The following GBE1 variants were observed in gnomAD, a reference collection of about 807,000 sequenced individuals.
GBE1 encodes 1,4-alpha-glucan branching enzyme 1.
A neutral mutation model predicts 88.8 loss-of-function variants in GBE1; 70 were observed. The observed-to-expected ratio is 0.79, with a 90% CI of 0.65 to 0.96. The LOEUF (loss-of-function observed/expected upper bound fraction) is 0.96, where lower values mean the gene tolerates loss of function less well. Ranked by LOEUF, GBE1 falls within the 40% of genes least tolerant of loss-of-function variation. GBE1 has a pLI of 0.00. For synonymous variants in GBE1, 284 were observed against 300.1 expected (o/e 0.95, Z 0.56); for missense variants, 872 against 871.0 (o/e 1.00, Z -0.01).
chr3:81,558,836 G>A (rs1261032495), intron 12 of GBE1, among the ~76,000 whole-genome samples: 1 of 152,000 alleles, frequency 6.6e-6, no homozygotes, highest in African/African-American at 2.4e-5. Flanking sequence ...AAAATGAACA[G>A]ATGTCCTTGT....
intron 12 of GBE1, among the ~76,000 whole-genome samples, chr3:81,573,609 T>C (rs1317915338): frequency 1.3e-5 from 2 of 152,210 alleles, no homozygotes; most frequent in African/African-American, 2.4e-5. Flanking sequence ...TGGTATATCA[T>C]AGATACATAT....
chr3:81,504,122 G>A lies in GBE1; in HGVS notation c.1935-4895C>T, dbSNP rs76536850. On this transcript the variant is annotated intron_variant, in intron 14 of 15. Coordinates refer to ENST00000429644, the MANE Select transcript of GBE1 (RefSeq NM_000158.4). ...AGCCATTCATGAAGAATCCTCCCTC[G>A]TGTCCCAAACACCTCTACCAGGCCC... is the stretch of plus-strand genomic sequence containing the variant. 3.7e-3 allele frequency among the ~76,000 whole-genome samples: 562 copies of A among 152,174 alleles called. 4 individuals are homozygous for A. Among genetic ancestry groups the A allele is most frequent in the Middle Eastern group, 0.024 (7 of 294 alleles).
intron 1 of GBE1, among the ~76,000 whole-genome samples, chr3:81,760,161 A>C (rs1185886493): frequency 6.6e-6 from 1 of 152,234 alleles, no homozygotes; most frequent in Admixed American, 6.5e-5. Context: ...TCATCTGATT[A>C]AGTGAGGGAC....
chr3:81,492,729 C>T lies in GBE1; in HGVS notation c.2053-2266G>A, dbSNP rs1397960578. On this transcript the variant is annotated intron_variant, in intron 15 of 15. Transcript: ENST00000429644. ...CTTCCTTTCCTTCCTTCCTTCCTTC[C>T]TTCCTTTTCTTTCTTTCTTTTTTTT... is the stretch of plus-strand genomic sequence containing the variant. Among the ~76,000 whole-genome samples, 5 of 138,470 alleles carry T rather than the reference C, an allele frequency of 3.6e-5. No individual in the cohort carries two copies. The East Asian group carries it at 1.1e-3, about 29-fold the overall frequency. 90.8% of individuals were successfully genotyped at this position (138,470 alleles called of 152,430 possible).
chr3:81,496,611 T>G (rs761250261), intron 15 of GBE1, among the ~76,000 whole-genome samples: 1 of 152,166 alleles, frequency 6.6e-6, no homozygotes, highest in African/African-American at 2.4e-5. Flanking sequence ...GCACTTATGA[T>G]CATGTTCAAG....
intron 1 of GBE1, among the ~76,000 whole-genome samples, chr3:81,725,876 A>T (rs968409002): frequency 6.6e-6 from 1 of 152,206 alleles, no homozygotes; most frequent in African/African-American, 2.4e-5. Flanking sequence ...CTGGGGCATG[A>T]CATGAGCTGT....
At chr3:81,568,032 T>A (rs944627025) in intron 12 of GBE1, among the ~76,000 whole-genome samples, 6 of 152,224 alleles carry the variant, frequency 3.9e-5, no homozygotes, top group Non-Finnish European at 8.8e-5. Context: ...CCCCCAGCAT[T>A]TTCCCACCCC....
intron 1 of GBE1, among the ~76,000 whole-genome samples, chr3:81,712,694 T>C (rs920393836): frequency 2.6e-5 from 4 of 152,108 alleles, no homozygotes; most frequent in African/African-American, 9.7e-5. Flanking sequence ...ATATACCTAA[T>C]GTAAATGACG....
chr3:81,695,763 A>C (rs1705582221), intron 2 of GBE1, among the ~76,000 whole-genome samples: 1 of 152,190 alleles, frequency 6.6e-6, no homozygotes, highest in South Asian at 2.1e-4. Context: ...TTATGTGTCC[A>C]TGGTTGTTAA....
Position 81,704,590 on chromosome 3 carries a change from A to T in GBE1, c.313+854T>A, listed in dbSNP as rs926741596. On this transcript the variant is annotated intron_variant, in intron 2 of 15. Transcript: ENST00000429644. ...AAAAATTGAATAACACAGCATGTAGACTTTTGAGCCCAGTGAAATCAAATT... is the reference window on the plus strand; with the variant it reads ...AAAAATTGAATAACACAGCATGTAGTCTTTTGAGCCCAGTGAAATCAAATT... Among the ~76,000 whole-genome samples the T allele has an allele frequency of 6.6e-5, 10 of 152,062 alleles. No individual in the cohort carries two copies. In the East Asian group the frequency reaches 1.9e-3, roughly 29 times the overall value.
intron 2 of GBE1, among the ~76,000 whole-genome samples, chr3:81,677,957 C>T (rs1705285516): frequency 6.6e-6 from 1 of 152,128 alleles, no homozygotes; most frequent in African/African-American, 2.4e-5. Flanking sequence ...TTTAAACAAA[C>T]ATAGTGCTCA....
At chr3:81,750,669 A>ATG (rs1553696663) in intron 1 of GBE1, among the ~76,000 whole-genome samples, 2 of 80,138 alleles carry the variant, frequency 2.5e-5, no homozygotes, top group African/African-American at 7.9e-5. Flanking sequence ...GTATATATAT[A>ATG]TATACGTATA....
At chr3:81,730,936 TTA>T (rs1421475729) in intron 1 of GBE1, among the ~76,000 whole-genome samples, 2 of 152,122 alleles carry the variant, frequency 1.3e-5, no homozygotes, top group East Asian at 3.9e-4. Flanking sequence ...AGCCAATATG[TTA>T]TGTTTCAAGT....
intron 8 of GBE1, among the ~76,000 whole-genome samples, chr3:81,591,809 A>G (rs1005458942): frequency 6.6e-6 from 1 of 152,130 alleles, no homozygotes. Flanking sequence ...TTTGTGCTCA[A>G]TATCAGCCTT....
At chr3:81,697,261 C>T (rs887656328) in intron 2 of GBE1, among the ~76,000 whole-genome samples, 6 of 151,840 alleles carry the variant, frequency 4.0e-5, no homozygotes, top group Non-Finnish European at 7.4e-5. Context: ...CAGACAAAGA[C>T]ACGCATAGGG....
chr3:81,536,178 C>A (rs1269932418), intron 13 of GBE1, among the ~76,000 whole-genome samples: 1 of 151,610 alleles, frequency 6.6e-6, no homozygotes, highest in Non-Finnish European at 1.5e-5. Flanking sequence ...TGGAACAAAT[C>A]TTACTGAATA....
In GBE1 at chr3:81,691,494, T is replaced by C. The variant is rs148173402; in HGVS notation, c.313+13950A>G. On this transcript the variant is annotated intron_variant, in intron 2 of 15. Transcript: ENST00000429644. ...AGTTTGAATTCTAAAGTTGGTTGGA[T>C]GCAGTGGCTCACACCTGTAGCCCAA... Among the ~76,000 whole-genome samples the C allele has an allele frequency of 3.7e-4, 57 of 152,224 alleles. 1 individual carries two copies. The highest frequency in any genetic ancestry group is 1.3e-3 in the African/African-American group (52 of 41,542).
At chr3:81,492,394 A>G (rs942860992) in intron 15 of GBE1, among the ~76,000 whole-genome samples, 10 of 152,272 alleles carry the variant, frequency 6.6e-5, no homozygotes, top group African/African-American at 2.4e-4. Context: ...ATTACCAAAG[A>G]TCCAGACAGA....
intron 1 of GBE1, among the ~76,000 whole-genome samples, chr3:81,757,222 T>TCCAGA (rs1706615369): frequency 6.6e-6 from 1 of 152,164 alleles, no homozygotes; most frequent in Non-Finnish European, 1.5e-5. Context: ...GCCCTCTCCC[T>TCCAGA]TTATGGCCCT....
Sources: allele counts gnomAD v4.1 joint callset (sites outside exome capture counted in the v4.1 genomes callset), GRCh38; gene constraint gnomAD v4.1.1; transcripts MANE v1.5; gene names NCBI Gene and HGNC (gene_info 2026-07-23, HGNC 2026-07-21).